The following ETNK1 variants were observed in gnomAD, a reference collection of about 807,000 sequenced individuals.
ETNK1 encodes the protein putative protein product of Nbla10396.
Under a neutral mutation model 45.1 loss-of-function variants are expected in ETNK1, and 8 were observed. The observed-to-expected ratio is 0.18, with a 90% confidence interval of 0.10 to 0.32. ETNK1 has a LOEUF of 0.32. ETNK1 is among the 10% of genes least tolerant of loss of function. The probability of loss-of-function intolerance (pLI) is 1.00; values close to 1 mark genes in which losing one functional copy is unlikely to be tolerated. For missense variants in ETNK1, 302 were observed against 430.6 expected (o/e 0.70, Z 2.64); for synonymous variants, 152 against 151.9 (o/e 1.00, Z -0.01).
intron 1 of ETNK1, among the ~76,000 whole-genome samples, chr12:22,640,730 A>G (rs947494668): frequency 6.6e-6 from 1 of 152,096 alleles, no homozygotes; most frequent in Non-Finnish European, 1.5e-5. Context: ...AGATAGAGAG[A>G]CACAGAGGGT....
At chr12:22,657,903 T>C (rs1953960481) in intron 2 of ETNK1, among the ~76,000 whole-genome samples, 1 of 152,180 alleles carries the variant, frequency 6.6e-6, no homozygotes, top group African/African-American at 2.4e-5. Flanking sequence ...CACAATAGTA[T>C]AGAAACATAA....
Position 22,685,301 on chromosome 12 carries a change from G to A in ETNK1, c.*347G>A, listed in dbSNP as rs1406139380. On this transcript the variant is annotated 3_prime_UTR_variant, in exon 8 of 8. Transcript: ENST00000266517. ...TTTTTCTCTGTTTCACGTTCGTTGA[G>A]TGTAAGCAATGAAAATGTCCCAAAT... 1.7e-5 allele frequency: 3 copies of A among 171,852 alleles called. No homozygotes were observed. The highest frequency in any genetic ancestry group is 2.5e-5 in the Non-Finnish European group (2 of 81,254). 10.6% of individuals were successfully genotyped at this position (171,852 alleles called of 1,614,324 possible).
At chr12:22,665,183 C>T (rs193184691) in intron 4 of ETNK1, among the ~76,000 whole-genome samples, 2 of 152,166 alleles carry the variant, frequency 1.3e-5, no homozygotes, top group East Asian at 3.9e-4. Context: ...TTAGACATAT[C>T]GTTTTATCTC....
At chr12:22,652,920 G>A (rs1953896586) in intron 2 of ETNK1, among the ~76,000 whole-genome samples, 1 of 152,118 alleles carries the variant, frequency 6.6e-6, no homozygotes, top group Non-Finnish European at 1.5e-5. Flanking sequence ...TATCCAGTGT[G>A]ATGAAGGTTT....
intron 6 of ETNK1, chr12:22,682,316 T>C (rs1431550750): frequency 2.0e-6 from 1 of 488,342 alleles, no homozygotes; most frequent in African/African-American, 2.0e-5. Flanking sequence ...GCAACAAATA[T>C]TGTCAGTTAT....
chr12:22,654,576 T>C (rs980134844), intron 2 of ETNK1, among the ~76,000 whole-genome samples: 5 of 152,220 alleles, frequency 3.3e-5, no homozygotes, highest in African/African-American at 1.2e-4. Context: ...CTAAGATAAC[T>C]GACTCTAATT....
intron 1 of ETNK1, among the ~76,000 whole-genome samples, chr12:22,635,170 A>T (rs1592112199): frequency 6.6e-6 from 1 of 152,172 alleles, no homozygotes; most frequent in African/African-American, 2.4e-5. Context: ...CCTGTGCTGG[A>T]CCTGTCACTC....
chr12:22,632,601 C>T (rs7314651), intron 1 of ETNK1, among the ~76,000 whole-genome samples: 9 of 152,006 alleles, frequency 5.9e-5, no homozygotes, highest in East Asian at 3.9e-4. Context: ...CCTTGTACTC[C>T]TGAGCTCACG....
At chr12:22,639,913 G>T (rs534796108) in intron 1 of ETNK1, among the ~76,000 whole-genome samples, 2 of 152,136 alleles carry the variant, frequency 1.3e-5, no homozygotes, top group Non-Finnish European at 2.9e-5. Context: ...TTGTCAACGG[G>T]AATTCTTTGG....
Position 22,673,495 on chromosome 12 carries a change from T to G in ETNK1, c.785-5T>G. 6.4e-7 allele frequency: 1 copy of G among 1,572,338 alleles called. No homozygotes were observed. The highest frequency in any genetic ancestry group is 1.2e-5 in the South Asian group (1 of 82,806). ...TTTTTGAGTGTAGTTTTTTTTCTTC[T>G]AAAGGTGTGAGTGATGTAGACTATA... On this transcript the variant is annotated splice_region_variant and splice_polypyrimidine_tract_variant and intron_variant, in intron 5 of 7. Coordinates refer to ENST00000266517, the MANE Select transcript of ETNK1 (RefSeq NM_018638.5).
chr12:22,650,958 G>T (rs1953867531), intron 2 of ETNK1, among the ~76,000 whole-genome samples: 1 of 152,080 alleles, frequency 6.6e-6, no homozygotes, highest in Non-Finnish European at 1.5e-5. Context: ...ATTTTTATCT[G>T]GGGTAATACC....
Position 22,646,444 on chromosome 12 carries a change from G to A in ETNK1, c.416+2422G>A, listed in dbSNP as rs146822660. ...AAATTTGGGATGATGTGCTTATTTAGCCCCTTTTAAATGAATTTTATATTC... is the reference window on the plus strand; with the variant it reads ...AAATTTGGGATGATGTGCTTATTTAACCCCTTTTAAATGAATTTTATATTC... On this transcript the variant is annotated intron_variant, in intron 2 of 7. Transcript: ENST00000266517. 2.0e-4 allele frequency among the ~76,000 whole-genome samples: 30 copies of A among 151,836 alleles called. 2 individuals are homozygous for A. The East Asian group carries it at 5.8e-3, about 29-fold the overall frequency.
At chr12:22,657,497 T>G (rs1049960150) in intron 2 of ETNK1, among the ~76,000 whole-genome samples, 1 of 152,056 alleles carries the variant, frequency 6.6e-6, no homozygotes, top group Non-Finnish European at 1.5e-5. Context: ...TTATTCTGTT[T>G]ATTCTTTTAC....
At chr12:22,632,515 C>CTT (rs138366955) in intron 1 of ETNK1, among the ~76,000 whole-genome samples, 2 of 147,906 alleles carry the variant, frequency 1.4e-5, no homozygotes, top group East Asian at 3.9e-4. Context: ...TAAATTTTTA[C>CTT]TTTTTTTTTT....
chr12:22,682,869 A>G lies in ETNK1; in HGVS notation c.946-1614A>G, dbSNP rs529029974. 6.6e-5 allele frequency among the ~76,000 whole-genome samples: 10 copies of G among 152,318 alleles called. 1 individual carries two copies. The highest frequency in any genetic ancestry group is 2.4e-4 in the African/African-American group (10 of 41,582). On this transcript the variant is annotated intron_variant, in intron 6 of 7. Transcript: ENST00000266517. ...GGCCTCCGAAAACTCCCATGGGTTC[A>G]TCGACCACTTTAAGAACCTCTGATG...
At chr12:22,681,518 A>G (rs1201940544) in intron 6 of ETNK1, among the ~76,000 whole-genome samples, 1 of 151,954 alleles carries the variant, frequency 6.6e-6, no homozygotes, top group Non-Finnish European at 1.5e-5. Context: ...AAATTTTTCA[A>G]TCTTAGGACC....
At chr12:22,665,222 T>C (rs965642872) in intron 4 of ETNK1, among the ~76,000 whole-genome samples, 2 of 152,152 alleles carry the variant, frequency 1.3e-5, no homozygotes, top group African/African-American at 2.4e-5. Context: ...CACAGACTGT[T>C]CTTGACAGTT....
intron 4 of ETNK1, among the ~76,000 whole-genome samples, chr12:22,669,609 A>T (rs1270274390): frequency 6.6e-6 from 1 of 151,778 alleles, no homozygotes; most frequent in African/African-American, 2.4e-5. Context: ...TCACTCTCCT[A>T]CTCCCAATGA....
At chr12:22,629,186 C>A (rs1953543301) in intron 1 of ETNK1, among the ~76,000 whole-genome samples, 1 of 152,066 alleles carries the variant, frequency 6.6e-6, no homozygotes, top group Non-Finnish European at 1.5e-5. Flanking sequence ...AATATTTGCT[C>A]TTTGAAATTC....
Sources: gnomAD v4.1 joint callset for allele counts (sites outside exome capture counted in the v4.1 genomes callset) on GRCh38, gnomAD v4.1.1 for gene constraint, MANE v1.5 for transcripts, NCBI Gene and HGNC (gene_info 2026-07-23, HGNC 2026-07-21) for gene names.